Variants in ATP8B1 observed in about 807,000 individuals in gnomAD.
ATP8B1 encodes phospholipid-transporting ATPase IC.
In ATP8B1, 80 loss-of-function variants were observed where a neutral mutation model predicts 149.9. The ratio of observed to expected loss-of-function variants is 0.53; its 90% CI spans 0.45 to 0.64. The LOEUF is 0.64. ATP8B1 is among the 30% of genes least tolerant of loss of function. The pLI, the probability that ATP8B1 is intolerant of heterozygous loss-of-function variation, is 0.00. For missense variants in ATP8B1, 1,247 were observed against 1,552.6 expected, an observed-to-expected ratio of 0.80 and a Z score of 3.31; for synonymous variants, 536 against 562.8, an observed-to-expected ratio of 0.95 and a Z score of 0.67.
At chr18:57,736,223 C>G (rs2079853126) in intron 1 of ATP8B1, among the ~76,000 whole-genome samples, 2 of 152,182 alleles carry the variant, frequency 1.3e-5, no homozygotes, top group African/African-American at 4.8e-5. Flanking sequence ...TTTCTGGATA[C>G]TAGTCCTTAG....
intron 1 of ATP8B1, among the ~76,000 whole-genome samples, chr18:57,771,802 A>G (rs112129935): frequency 3.9e-5 from 6 of 152,314 alleles, no homozygotes; most frequent in African/African-American, 1.4e-4. Flanking sequence ...CAGTGCTGTC[A>G]GAACAACCAG....
intron 24 of ATP8B1, 146 bp from the exon 25 acceptor site, chr18:57,652,875 C>A: frequency 2.0e-6 from 2 of 1,010,636 alleles, no homozygotes; most frequent in African/African-American, 1.6e-5. Flanking sequence ...ATCAATCCTG[C>A]AATATTTGTG....
intron 1 of ATP8B1, among the ~76,000 whole-genome samples, chr18:57,786,348 C>T (rs1294621184): frequency 6.6e-6 from 1 of 152,190 alleles, no homozygotes; most frequent in Non-Finnish European, 1.5e-5. Flanking sequence ...CTTCAGAATC[C>T]AGCTCGTCAA....
chr18:57,653,941 T>C, intron 24 of ATP8B1, 51 bp downstream of exon 24: 1 of 1,500,784 alleles, frequency 6.7e-7, no homozygotes, highest in Non-Finnish European at 9.3e-7. Context: ...GGGACTTCTC[T>C]AACGCATTCT....
At chr18:57,656,776 G>C (rs1186085464) in intron 22 of ATP8B1, among the ~76,000 whole-genome samples, 1 of 149,300 alleles carries the variant, frequency 6.7e-6, no homozygotes, top group Non-Finnish European at 1.5e-5. Context: ...GGGAGAGAAT[G>C]GGGGGAGAGA....
chr18:57,700,052 G>C lies in ATP8B1; in HGVS notation c.554+987C>G, dbSNP rs186085782. Among the ~76,000 whole-genome samples the C allele has an allele frequency of 4.1e-4, 62 of 152,306 alleles. No homozygotes were observed. The East Asian group carries it at 0.011, about 27-fold the overall frequency. ...CTCCTCAGAGGAAACTGGAACATCG[G>C]ATAGAAGAATCTAACAGAATTGCCT... On this transcript the variant is annotated intron_variant, in intron 6 of 27. Transcript: ENST00000648908.
intron 11 of ATP8B1, among the ~76,000 whole-genome samples, chr18:57,694,364 C>G (rs1223415257): frequency 6.6e-6 from 1 of 151,968 alleles, no homozygotes; most frequent in Non-Finnish European, 1.5e-5. Flanking sequence ...TTTCCCTTCC[C>G]AAGGGAATTC....
intron 1 of ATP8B1, among the ~76,000 whole-genome samples, chr18:57,751,288 A>T (rs1173728449): frequency 1.3e-5 from 2 of 152,014 alleles, no homozygotes; most frequent in African/African-American, 4.8e-5. Context: ...TCAGGAGACC[A>T]GGCTGGGCAG....
At position 57,803,099 on chromosome 18, in the gene ATP8B1, C is replaced by G. The variant is rs1329953921; in HGVS notation, c.-127G>C. The G allele has an allele frequency of 6.6e-6, 1 of 151,708 alleles. No individual in the cohort carries two copies. The highest frequency in any genetic ancestry group is 1.5e-5 in the Non-Finnish European group (1 of 67,928). 9.4% of individuals were successfully genotyped at this position (151,708 alleles called of 1,614,324 possible). ...TGCCGCCGCCCGCCCGGCCCCAGCC[C>G]TGGCCGCCGCGCTAGCGCTGCATGG... On this transcript the variant is annotated 5_prime_UTR_variant, in exon 1 of 28. Coordinates refer to ENST00000648908, the MANE Select transcript of ATP8B1 (RefSeq NM_001374385.1).
At chr18:57,670,622 T>G (rs1911168716) in intron 17 of ATP8B1, among the ~76,000 whole-genome samples, 1 of 152,098 alleles carries the variant, frequency 6.6e-6, no homozygotes, top group African/African-American at 2.4e-5. Flanking sequence ...GTACTGGGAT[T>G]ACAGGCGTGA....
chr18:57,648,852 TTGTGTGTGTG>T lies in ATP8B1; in HGVS notation c.3532-150_3532-141del, dbSNP rs1161789963. ...TTGATGCAGGCAGTTCTGTCCCCAC[TTGTGTGTGTG>T]TGTGTGTGTGTGTGTGTGTGTGTGT... On this transcript the variant is annotated intron_variant, in intron 27 of 27. Coordinates refer to ENST00000648908, the MANE Select transcript of ATP8B1 (RefSeq NM_001374385.1). 179 of 557,650 alleles carry T rather than the reference TTGTGTGTGTG, an allele frequency of 3.2e-4. No homozygotes were observed. The African/African-American group carries it at 3.7e-3, about 12-fold the overall frequency. 34.5% of individuals were successfully genotyped at this position (557,650 alleles called of 1,614,324 possible).
At chr18:57,672,961 A>AG (rs1911347247) in intron 16 of ATP8B1, among the ~76,000 whole-genome samples, 1 of 97,088 alleles carries the variant, frequency 1.0e-5, no homozygotes, top group Non-Finnish European at 2.0e-5. Context: ...ATACATACAT[A>AG]TATCTACATA....
At chr18:57,682,293 C>G (rs188433246) in intron 15 of ATP8B1, among the ~76,000 whole-genome samples, 1 of 152,136 alleles carries the variant, frequency 6.6e-6, no homozygotes, top group Non-Finnish European at 1.5e-5. Flanking sequence ...TGTAAGCCAC[C>G]GCGCCCAGCC....
intron 1 of ATP8B1, chr18:57,735,668 A>C (rs989197429): frequency 2.0e-5 from 3 of 152,242 alleles, no homozygotes; most frequent in Non-Finnish European, 2.9e-5. Context: ...TCCTGGCAGT[A>C]CGTATACTTT....
intron 1 of ATP8B1, among the ~76,000 whole-genome samples, chr18:57,781,369 A>G (rs12955498): frequency 0.12 from 18,457 of 152,208 alleles, 1,211 homozygotes; most frequent in Middle Eastern, 0.26. Context: ...GAGTTTTGGC[A>G]ACACTGCAGA....
At chr18:57,754,876 G>A (rs988961111) in intron 1 of ATP8B1, among the ~76,000 whole-genome samples, 2 of 152,184 alleles carry the variant, frequency 1.3e-5, no homozygotes, top group Non-Finnish European at 2.9e-5. Flanking sequence ...GCAGCCTGGG[G>A]TGTATCCATT....
intron 12 of ATP8B1, among the ~76,000 whole-genome samples, chr18:57,689,044 C>T (rs1912400295): frequency 6.6e-6 from 1 of 152,204 alleles, no homozygotes; most frequent in Admixed American, 6.5e-5. Context: ...TGATTTTAGA[C>T]AAGTAATTTC....
intron 17 of ATP8B1, among the ~76,000 whole-genome samples, chr18:57,670,186 A>C (rs1021987016): frequency 6.6e-6 from 1 of 152,180 alleles, no homozygotes. Flanking sequence ...ACTGTGATAC[A>C]AGTCCAATCA....
intron 2 of ATP8B1, among the ~76,000 whole-genome samples, chr18:57,714,398 G>C (rs950961239): frequency 6.6e-5 from 10 of 152,306 alleles, no homozygotes; most frequent in Non-Finnish European, 7.3e-5. Context: ...TCACAACAGG[G>C]CATTGAGGGA....
Sources: allele counts gnomAD v4.1 joint callset (sites outside exome capture counted in the v4.1 genomes callset), GRCh38; gene constraint gnomAD v4.1.1; transcripts MANE v1.5; gene names NCBI Gene and HGNC (gene_info 2026-07-23, HGNC 2026-07-21).